MTCL1: variants seen among roughly 807,000 people sequenced by gnomAD.
MTCL1 encodes microtubule crosslinking factor 1, also known as microtubule cross-linking factor 1.
A neutral mutation model predicts 141.4 loss-of-function variants in MTCL1; 79 were observed. The ratio of observed to expected loss-of-function variants is 0.56; its 90% CI spans 0.47 to 0.67. The LOEUF is 0.67. Ranked by LOEUF, MTCL1 falls within the 30% of genes least tolerant of loss-of-function variation. The pLI, the probability that MTCL1 is intolerant of heterozygous loss-of-function variation, is 0.00. For synonymous variants in MTCL1, 914 were observed against 875.8 expected (o/e 1.04, Z -0.77); for missense variants, 2,177 against 2,113.9 (o/e 1.03, Z -0.59).
chr18:8,820,073 G>T (rs1438314322), intron 13 of MTCL1, among the ~76,000 whole-genome samples: 4 of 152,124 alleles, frequency 2.6e-5, no homozygotes, highest in African/African-American at 9.7e-5. Context: ...CACAGCGTTA[G>T]TTATGTTTTT....
upstream of MTCL1, among the ~76,000 whole-genome samples, chr18:8,714,728 G>C (rs927781077): frequency 2.0e-5 from 3 of 152,166 alleles, no homozygotes; most frequent in African/African-American, 7.2e-5. Flanking sequence ...GATTATGGGA[G>C]CTACAGTTCA....
At chr18:8,720,398 G>T in exon 4 of MTCL1, 1 of 1,614,086 alleles carries the variant, frequency 6.2e-7, no homozygotes, top group Non-Finnish European at 8.5e-7. Context: ...GGAAAAGCGC[G>T]CTAAAGCTGA....
At chr18:8,786,284 G>A (rs1308283770) in intron 7 of MTCL1, 193 bp downstream of exon 6, 1 of 724,530 alleles carries the variant, frequency 1.4e-6, no homozygotes, top group Non-Finnish European at 2.5e-6. Flanking sequence ...GGTGCCTGCG[G>A]TGAACTGCTG....
intron 3 of MTCL1, 109 bp from the exon 3 acceptor site, chr18:8,720,229 A>G: frequency 2.0e-6 from 2 of 981,208 alleles, no homozygotes; most frequent in Non-Finnish European, 3.1e-6. Flanking sequence ...GGTCTTTGCT[A>G]TGTGGTGTAA....
upstream of MTCL1, among the ~76,000 whole-genome samples, chr18:8,714,866 C>G (rs535340572): frequency 3.7e-3 from 565 of 152,080 alleles, 2 homozygotes; most frequent in Non-Finnish European, 5.5e-3. Flanking sequence ...GCGCGATTTC[C>G]ACTCACTGCA....
intron 4 of MTCL1, among the ~76,000 whole-genome samples, chr18:8,765,649 C>T (rs1038678358): frequency 5.3e-5 from 8 of 152,236 alleles, no homozygotes; most frequent in Admixed American, 4.6e-4. Flanking sequence ...CAAGCCACTC[C>T]TCCCATGCTT....
chr18:8,706,749 C>A (rs973004333), intron 1 of MTCL1, 36 bp downstream of exon 1: 13 of 1,540,470 alleles, frequency 8.4e-6, no homozygotes, highest in Admixed American at 4.0e-5. Context: ...TCCCGGGGCG[C>A]CCCCGGAGGG....
chr18:8,786,119 C>CCG, intron 7 of MTCL1, 28 bp downstream of exon 6: 1 of 1,428,830 alleles, frequency 7.0e-7, no homozygotes. Flanking sequence ...ATCCCCCCCC[C>CCG]CCGCCCTCCC....
At position 8,738,565 on chromosome 18, in the gene MTCL1, G is replaced by A. The variant is rs540318650; in HGVS notation, c.357+18069G>A. On this transcript the variant is annotated intron_variant, in intron 4 of 16. Transcript: ENST00000359865. ...GTCCAGTTGACCTCATATGATTAGC[G>A]GAGAACAAAGGTGTGGCATTTCTTT... is the stretch of plus-strand genomic sequence containing the variant. Among the ~76,000 whole-genome samples the A allele has an allele frequency of 2.5e-3, 384 of 152,280 alleles. 2 individuals are homozygous for A. The highest frequency in any genetic ancestry group is 4.4e-3 in the Non-Finnish European group (300 of 68,016).
upstream of MTCL1, among the ~76,000 whole-genome samples, chr18:8,715,721 A>C (rs1007754993): frequency 6.6e-6 from 1 of 152,184 alleles, no homozygotes; most frequent in Non-Finnish European, 1.5e-5. Flanking sequence ...TTCCCACTCT[A>C]TCGAAAGAGT....
rs1253907005 is a variant in MTCL1 at position 8,828,805 on chromosome 18, C to G, written c.4723-103C>G. On this transcript the variant is annotated intron_variant, in intron 15 of 16. Coordinates refer to ENST00000359865, the Ensembl canonical transcript of MTCL1. The surrounding 1 kb of genome is among the most constrained non-coding windows in gnomAD (Gnocchi z 5.2). ...ACCCCTGAGCGAGAGGGATGGTCCT[C>G]TACCTCCGGGCTTGCTGACTTTAAA... The G allele has an allele frequency of 1.9e-5, 30 of 1,571,968 alleles. No individual in the cohort carries two copies. The highest frequency in any genetic ancestry group is 2.6e-5 in the Non-Finnish European group (30 of 1,159,956).
At chr18:8,809,995 G>A (rs535665462) in intron 11 of MTCL1, 3 of 159,540 alleles carry the variant, frequency 1.9e-5, no homozygotes, top group South Asian at 1.9e-4. Context: ...AGAAGAGATT[G>A]GAAAGGAGCA....
chr18:8,760,274 C>T (rs569782896), intron 4 of MTCL1, among the ~76,000 whole-genome samples: 10 of 152,264 alleles, frequency 6.6e-5, no homozygotes, highest in East Asian at 3.9e-4. Context: ...AAATCCTGGC[C>T]GTGTGGTGGG....
intron 10 of MTCL1, chr18:8,802,400 T>C (rs113838721): frequency 1.8e-4 from 27 of 152,348 alleles, no homozygotes; most frequent in African/African-American, 6.0e-4. Context: ...TTAGTGGCTG[T>C]GATGCAAGCA....
intron 4 of MTCL1, among the ~76,000 whole-genome samples, chr18:8,734,109 C>A (rs151211133): frequency 6.6e-6 from 1 of 151,924 alleles, no homozygotes; most frequent in African/African-American, 2.4e-5. Context: ...TCTCTGCTGT[C>A]GTTTTAGACT....
At position 8,754,025 on chromosome 18, in the gene MTCL1, C is replaced by T. The variant is rs535985248; in HGVS notation, c.358-23808C>T. 5.9e-5 allele frequency among the ~76,000 whole-genome samples: 9 copies of T among 152,246 alleles called. No individual in the cohort carries two copies. In the South Asian group the frequency reaches 1.9e-3, roughly 32 times the overall value. ...AAAATTTTATTGCTTTTCATACAGA[C>T]TTACGTGACAAGCAACTGGTTGAAA... On this transcript the variant is annotated intron_variant, in intron 4 of 16. Transcript: ENST00000359865.
chr18:8,773,175 TATGTTC>T, intron 4 of MTCL1, among the ~76,000 whole-genome samples: 1 of 152,166 alleles, frequency 6.6e-6, no homozygotes. Flanking sequence ...GTCCTTAGGG[TATGTTC>T]TCAGAGGTGG....
At chr18:8,706,028 C>T (rs2096057510) in exon 1 of MTCL1, 2 of 1,177,092 alleles carry the variant, frequency 1.7e-6, no homozygotes, top group Admixed American at 4.6e-5. Flanking sequence ...GCGGGCGGTG[C>T]CAAGGCTGCC....
chr18:8,786,197 C>T (rs2096554690), intron 7 of MTCL1, 106 bp downstream of exon 6: 2 of 1,289,568 alleles, frequency 1.6e-6, no homozygotes, highest in African/African-American at 3.0e-5. Context: ...GGGAACATGG[C>T]AGGAGGAGGT....
Sources: gnomAD v4.1 joint callset for allele counts (sites outside exome capture counted in the v4.1 genomes callset) on GRCh38, gnomAD v4.1.1 for gene constraint, Gnocchi (gnomAD v3.1) non-coding constraint, MANE v1.5 for transcripts, NCBI Gene and HGNC (gene_info 2026-07-23, HGNC 2026-07-21) for gene names.